CELF2: variants seen among roughly 807,000 people sequenced by gnomAD.
CELF2 encodes the protein CUG triplet repeat RNA-binding protein 2.
In CELF2, 8 loss-of-function variants were observed where a neutral mutation model predicts 62.6. The ratio of observed to expected loss-of-function variants is 0.13; its 90% confidence interval spans 0.07 to 0.23. CELF2 has a LOEUF of 0.23. CELF2 is among the 10% of genes least tolerant of loss of function. CELF2 has a pLI of 1.00. For missense variants in CELF2, 333 were observed against 671.0 expected (o/e 0.50, Z 5.56); for synonymous variants, 258 against 250.0 (o/e 1.03, Z -0.30).
intron 1 of CELF2, among the ~76,000 whole-genome samples, chr10:11,062,427 AG>A (rs1420275556): frequency 6.6e-6 from 1 of 152,210 alleles, no homozygotes; most frequent in Admixed American, 6.5e-5. Flanking sequence ...ACCATATTAG[AG>A]GTCATTAAGA....
chr10:10,656,872 TA>T, the CELF2 span, among the ~76,000 whole-genome samples: 3 of 137,168 alleles, frequency 2.2e-5, no homozygotes, highest in Non-Finnish European at 4.8e-5. Flanking sequence ...AAAGTATAAT[TA>T]AAAAAATAAA....
rs1025273274 is a variant in CELF2, at chr10:11,255,290, C to T, written c.404-2448C>T. Among the ~76,000 whole-genome samples the T allele has an allele frequency of 2.6e-5, 4 of 152,184 alleles. No individual in the cohort carries two copies. Among genetic ancestry groups the T allele is most frequent in the Non-Finnish European group, 5.9e-5 (4 of 68,030 alleles). ...GGGTGCCTGTTGCCCATGTCTCCTC[C>T]GAGTCTGAACACAAGCAGTGGCTCA... On this transcript the variant is annotated intron_variant, in intron 4 of 12. Transcript: ENST00000633077. The surrounding 1 kb of genome is among the most constrained non-coding windows in gnomAD (Gnocchi z 5.5).
At chr10:10,648,100 C>T in the CELF2 span, among the ~76,000 whole-genome samples, 2 of 152,108 alleles carry the variant, frequency 1.3e-5, no homozygotes, top group Non-Finnish European at 2.9e-5. Flanking sequence ...TGAAAGTATA[C>T]GATTTTATCC....
At chr10:10,937,120 T>C (rs570766019) in intron 2 of CELF2, among the ~76,000 whole-genome samples, 1 of 137,350 alleles carries the variant, frequency 7.3e-6, no homozygotes, top group South Asian at 2.3e-4. Flanking sequence ...GTTTTTCTTT[T>C]CTTTTTTTTT....
At chr10:11,108,996 G>A (rs1012278140) in intron 1 of CELF2, among the ~76,000 whole-genome samples, 2 of 152,200 alleles carry the variant, frequency 1.3e-5, no homozygotes, top group African/African-American at 4.8e-5. Context: ...TTTGTAGGCA[G>A]ATCTGTCAGT....
chr10:11,299,003 A>G (rs2093456835), intron 9 of CELF2, among the ~76,000 whole-genome samples: 1 of 152,248 alleles, frequency 6.6e-6, no homozygotes, highest in African/African-American at 2.4e-5. Flanking sequence ...TAGGATGTAA[A>G]TACAGGGAGA....
chr10:10,466,443 T>A, the CELF2 span, among the ~76,000 whole-genome samples: 1 of 152,152 alleles, frequency 6.6e-6, no homozygotes, highest in African/African-American at 2.4e-5. Context: ...AGTTTGTTCA[T>A]CTGTTCACCT....
chr10:10,762,454 T>C, the CELF2 span, among the ~76,000 whole-genome samples: 18 of 152,116 alleles, frequency 1.2e-4, no homozygotes, highest in African/African-American at 4.1e-4. Flanking sequence ...CATCTGAGAA[T>C]TTCGTGCAAG....
intron 1 of CELF2, among the ~76,000 whole-genome samples, chr10:10,811,338 G>C (rs527673109): frequency 6.6e-6 from 1 of 152,326 alleles, no homozygotes; most frequent in Non-Finnish European, 1.5e-5. Flanking sequence ...GCTTTTTAAA[G>C]GGAGAATGGG....
chr10:10,717,377 T>A, the CELF2 span, among the ~76,000 whole-genome samples: 10 of 151,300 alleles, frequency 6.6e-5, no homozygotes, highest in Admixed American at 5.3e-4. Context: ...ATGAAACTTA[T>A]TAAAAAAAAA....
At chr10:11,085,365 C>T (rs1417186667) in intron 1 of CELF2, among the ~76,000 whole-genome samples, 2 of 152,166 alleles carry the variant, frequency 1.3e-5, no homozygotes, top group Non-Finnish European at 2.9e-5. Context: ...TACCATAATC[C>T]TGTTCATTGA....
chr10:10,899,739 C>T (rs1191603533), intron 1 of CELF2, among the ~76,000 whole-genome samples: 3 of 152,108 alleles, frequency 2.0e-5, no homozygotes, highest in Admixed American at 6.5e-5. Flanking sequence ...ACAATCATGG[C>T]GGAAAGTGAC....
chr10:11,203,561 G>A (rs1027296272), intron 2 of CELF2, among the ~76,000 whole-genome samples: 6 of 152,306 alleles, frequency 3.9e-5, no homozygotes, highest in Middle Eastern at 3.4e-3. Context: ...AGGCTTTATC[G>A]GGAACCAGAG....
intron 1 of CELF2, among the ~76,000 whole-genome samples, chr10:10,812,303 C>T (rs898268929): frequency 2.0e-5 from 3 of 152,132 alleles, no homozygotes; most frequent in Non-Finnish European, 4.4e-5. Flanking sequence ...TTATTCACTA[C>T]CATGAGAACG....
intron 1 of CELF2, among the ~76,000 whole-genome samples, chr10:10,897,173 T>C (rs2062617158): frequency 6.6e-6 from 1 of 152,196 alleles, no homozygotes; most frequent in African/African-American, 2.4e-5. Context: ...AAAGCATCTA[T>C]CATTTTAGAG....
At chr10:10,970,059 GTATT>G (rs762933697) in intron 2 of CELF2, among the ~76,000 whole-genome samples, 2 of 151,986 alleles carry the variant, frequency 1.3e-5, no homozygotes, top group African/African-American at 2.4e-5. Context: ...TTTGTGTGAT[GTATT>G]TATTTATTTA....
chr10:10,506,080 A>ATT, the CELF2 span, among the ~76,000 whole-genome samples: 37 of 149,942 alleles, frequency 2.5e-4, no homozygotes, highest in African/African-American at 8.9e-4. Flanking sequence ...GTATTCTCTC[A>ATT]TTTTTTTTTT....
At chr10:11,091,400 T>C (rs2048291238) in intron 1 of CELF2, among the ~76,000 whole-genome samples, 1 of 152,210 alleles carries the variant, frequency 6.6e-6, no homozygotes, top group East Asian at 1.9e-4. Context: ...ATCAGCCTGT[T>C]CTGGGCTTGA....
At chr10:11,201,882 G>C (rs1222472481) in intron 2 of CELF2, among the ~76,000 whole-genome samples, 1 of 152,138 alleles carries the variant, frequency 6.6e-6, no homozygotes, top group Non-Finnish European at 1.5e-5. Context: ...TTAGATTGTA[G>C]AAAGGTATTT....
Sources: gnomAD v4.1 joint callset for allele counts (sites outside exome capture counted in the v4.1 genomes callset) on GRCh38, gnomAD v4.1.1 for gene constraint, Gnocchi (gnomAD v3.1) non-coding constraint, MANE v1.5 for transcripts, NCBI Gene and HGNC (gene_info 2026-07-23, HGNC 2026-07-21) for gene names.